CC2D2A: variants seen among roughly 807,000 people sequenced by gnomAD.
CC2D2A encodes the protein coiled-coil and C2 domain containing 2A.
A neutral mutation model predicts 212.9 loss-of-function variants in CC2D2A; 155 were observed. That is an observed-to-expected ratio of 0.73 (90% CI 0.64 to 0.83). The LOEUF is 0.83. CC2D2A is among the 40% of genes least tolerant of loss of function. CC2D2A has a pLI of 0.00. For missense variants in CC2D2A, 1,856 were observed against 1,956.2 expected (o/e 0.95, Z 0.97); for synonymous variants, 667 against 686.5 (o/e 0.97, Z 0.44).
intron 1 of CC2D2A, among the ~76,000 whole-genome samples, chr4:15,470,269 T>C (rs2080734140): frequency 6.6e-6 from 1 of 152,210 alleles, no homozygotes; most frequent in Non-Finnish European, 1.5e-5. Flanking sequence ...ATCTGGTATC[T>C]GGTTTGCAGG....
At chr4:15,559,109 A>G in intron 21 of CC2D2A, 56 bp from the exon 22 acceptor site, 1 of 978,618 alleles carries the variant, frequency 1.0e-6, no homozygotes, top group Admixed American at 2.7e-5. Flanking sequence ...TAATTACCTG[A>G]TCTTAAGAAA....
chr4:15,567,517 C>T, intron 25 of CC2D2A, 35 bp downstream of exon 25: 2 of 1,567,722 alleles, frequency 1.3e-6, no homozygotes, highest in Admixed American at 3.7e-5. Flanking sequence ...TCCACCTTGC[C>T]CCTTAAGTTT....
At chr4:15,513,428 G>A (rs80257503) in intron 8 of CC2D2A, among the ~76,000 whole-genome samples, 2,667 of 152,308 alleles carry the variant, frequency 0.018, 47 homozygotes, top group Middle Eastern at 0.027. Context: ...CTCCAATTGC[G>A]AATATCTTCT....
At chr4:15,555,993 ATTTGT>A (rs1228460137) in intron 20 of CC2D2A, among the ~76,000 whole-genome samples, 3 of 152,124 alleles carry the variant, frequency 2.0e-5, no homozygotes, top group Non-Finnish European at 4.4e-5. Flanking sequence ...TTTAGGGAAA[ATTTGT>A]TTTGTTTTCT....
At chr4:15,595,570 G>C (rs367905714) in intron 33 of CC2D2A, among the ~76,000 whole-genome samples, 3 of 152,206 alleles carry the variant, frequency 2.0e-5, no homozygotes, top group Admixed American at 6.5e-5. Flanking sequence ...GCATACAGAA[G>C]TTACATTAAT....
At chr4:15,492,631 A>G in intron 4 of CC2D2A, 1 of 493,558 alleles carries the variant, frequency 2.0e-6, no homozygotes. Context: ...ATTCTCAGTG[A>G]GGTGGGGGAC....
At chr4:15,599,103 G>GT (rs1448872091) in intron 35 of CC2D2A, among the ~76,000 whole-genome samples, 1 of 152,172 alleles carries the variant, frequency 6.6e-6, no homozygotes, top group Non-Finnish European at 1.5e-5. Context: ...TGAGGATGCA[G>GT]TGAGCTGTGA....
chr4:15,521,277 G>C (rs1717185906), intron 11 of CC2D2A, among the ~76,000 whole-genome samples: 2 of 152,150 alleles, frequency 1.3e-5, no homozygotes, highest in African/African-American at 4.8e-5. Context: ...CACCTACTAA[G>C]TTTATTGTTG....
At chr4:15,482,394 C>T (rs1488888713) in intron 4 of CC2D2A, 1 of 704,248 alleles carries the variant, frequency 1.4e-6, no homozygotes. Context: ...CATTTATTTT[C>T]TCATGGCTCT....
intron 28 of CC2D2A, 49 bp downstream of exon 28, chr4:15,570,545 C>T (rs1345255600): frequency 7.5e-7 from 1 of 1,327,004 alleles, no homozygotes; most frequent in Non-Finnish European, 1.1e-6. Flanking sequence ...TTTCTCTATC[C>T]ATTTTTCCTA....
chr4:15,486,651 A>G (rs945510488), intron 4 of CC2D2A, among the ~76,000 whole-genome samples: 11 of 151,716 alleles, frequency 7.3e-5, no homozygotes, highest in South Asian at 2.1e-4. Flanking sequence ...TATCACTTTC[A>G]TTTATTTCTG....
rs1288358527 is a variant in CC2D2A at position 15,533,194 on chromosome 4, C to T, written c.1468C>T (p.Gln490Ter). 1 of 1,577,392 alleles carries T rather than the reference C, an allele frequency of 6.3e-7. No individual in the cohort carries two copies. Among genetic ancestry groups the T allele is most frequent in the Non-Finnish European group, 8.6e-7 (1 of 1,169,584 alleles). Residue 490 changes from glutamine to a stop codon, truncating the protein, a stop_gained and splice_region_variant, in exon 14 of 37, where the codon CAA (glutamine) becomes TAA (stop). Coordinates refer to ENST00000424120, the MANE Select transcript of CC2D2A (RefSeq NM_001378615.1). LOFTEE classifies it high-confidence loss of function. ...TINEYKSEIR[Q>*]TRKFRDAEQE... ...CTCATGTGTTATTATATCTTGCAGACAAACAAGAAAATTCCGTGATGCTGA... is the reference window on the plus strand; with the variant it reads ...CTCATGTGTTATTATATCTTGCAGATAAACAAGAAAATTCCGTGATGCTGA...
chr4:15,539,061 C>T (rs1194781839), intron 16 of CC2D2A, among the ~76,000 whole-genome samples: 1 of 152,112 alleles, frequency 6.6e-6, no homozygotes, highest in Non-Finnish European at 1.5e-5. Flanking sequence ...ATACCCCAAA[C>T]ATTTTTAATA....
intron 24 of CC2D2A, 121 bp from the exon 25 acceptor site, chr4:15,567,256 C>A: frequency 2.8e-6 from 2 of 725,270 alleles, no homozygotes; most frequent in Non-Finnish European, 4.7e-6. Context: ...CGAGATCATG[C>A]CACTGCACTT....
At chr4:15,580,454 A>G (rs1720612935) in intron 30 of CC2D2A, among the ~76,000 whole-genome samples, 1 of 152,166 alleles carries the variant, frequency 6.6e-6, no homozygotes, top group Non-Finnish European at 1.5e-5. Flanking sequence ...CCTGGCCAAC[A>G]TGGCGAAACC....
At chr4:15,588,522 T>G (rs1405426945) in intron 32 of CC2D2A, among the ~76,000 whole-genome samples, 2 of 152,328 alleles carry the variant, frequency 1.3e-5, no homozygotes, top group Non-Finnish European at 2.9e-5. Flanking sequence ...ATAGGTAAGT[T>G]TAGAAAATTC....
chr4:15,596,676 G>T (rs1245225363), intron 34 of CC2D2A, among the ~76,000 whole-genome samples: 1 of 152,130 alleles, frequency 6.6e-6, no homozygotes, highest in Non-Finnish European at 1.5e-5. Context: ...GTGTGTACTA[G>T]GTTTGTAATG....
Position 15,514,762 on chromosome 4 carries a change from A to C in CC2D2A, c.773A>C (p.Asp258Ala), listed in dbSNP as rs1414769960. 1 of 1,613,122 alleles carries C rather than the reference A, an allele frequency of 6.2e-7. No homozygotes were observed. The stretch of plus-strand genomic sequence containing the variant: ...GCCGAGGACTTCCTATTGGGCTTAG[A>C]TCACGTGGCTGACGATTTTGTAGCA... ...DDAEDFLLGL[D>A]HVADDFVAVR... The change falls in exon 9 of 37, where the codon GAT becomes GCT. Residue 258 changes from aspartate to alanine, a missense_variant. By Grantham distance (126) the Asp-to-Ala change is moderately radical. Coordinates refer to ENST00000424120, the MANE Select transcript of CC2D2A (RefSeq NM_001378615.1).
chr4:15,478,698 C>G lies in CC2D2A; in HGVS notation c.40-25C>G. 4 of 1,522,778 alleles carry G rather than the reference C, an allele frequency of 2.6e-6. No individual in the cohort carries two copies. In the South Asian group the frequency reaches 4.8e-5, roughly 18 times the overall value. The allele number at this position is 1,522,778 out of a possible 1,614,324, so 94.3% of individuals were successfully genotyped here. A position where few individuals can be genotyped will look rare whatever the true frequency, so the allele number is the denominator to read the frequency against. On this transcript the variant is annotated intron_variant, in intron 2 of 36. Transcript: ENST00000424120. ...ATACCTCTCTTCCTGTCTTAAGATTCTCTCCCTTTTGCATTTTCACAAAGG... is the reference window on the plus strand; with the variant it reads ...ATACCTCTCTTCCTGTCTTAAGATTGTCTCCCTTTTGCATTTTCACAAAGG...
Sources: gnomAD v4.1 joint callset for allele counts (sites outside exome capture counted in the v4.1 genomes callset) on GRCh38, gnomAD v4.1.1 for gene constraint, MANE v1.5 for transcripts, NCBI Gene and HGNC (gene_info 2026-07-23, HGNC 2026-07-21) for gene names.